Variants in EPHA6 observed in about 807,000 individuals in gnomAD.
The protein encoded by EPHA6 is EPH receptor A6.
Under a neutral mutation model 112.0 loss-of-function variants are expected in EPHA6, and 50 were observed. That is an observed-to-expected ratio of 0.45 (90% CI 0.36 to 0.56). The LOEUF (loss-of-function observed/expected upper bound fraction) is 0.56, where lower values mean the gene tolerates loss of function less well. Among genes scored for constraint, EPHA6 ranks in the 20% least tolerant of loss-of-function variants. The probability of loss-of-function intolerance (pLI) is 0.00; values close to 1 mark genes in which losing one functional copy is unlikely to be tolerated. For missense variants in EPHA6, 1,280 were observed against 1,417.4 expected (o/e 0.90, Z 1.56); for synonymous variants, 529 against 490.7 (o/e 1.08, Z -1.03).
chr3:97,225,171 G>T (rs953565530), intron 3 of EPHA6, among the ~76,000 whole-genome samples: 1 of 152,138 alleles, frequency 6.6e-6, no homozygotes, highest in Non-Finnish European at 1.5e-5. Context: ...TAGCCAGAAT[G>T]GTCTCAATCT....
At chr3:97,731,298 C>T (rs922567956) in intron 15 of EPHA6, among the ~76,000 whole-genome samples, 1 of 151,878 alleles carries the variant, frequency 6.6e-6, no homozygotes, top group Non-Finnish European at 1.5e-5. Context: ...AAAGGAGGAG[C>T]GGGTTTAGTT....
At chr3:97,190,589 ATTAT>A (rs1290417840) in intron 3 of EPHA6, among the ~76,000 whole-genome samples, 2 of 152,082 alleles carry the variant, frequency 1.3e-5, no homozygotes, top group Non-Finnish European at 1.5e-5. Context: ...TTATGATTTT[ATTAT>A]TTATGTTTTA....
chr3:96,840,077 C>T (rs1405391585), intron 1 of EPHA6, among the ~76,000 whole-genome samples: 1 of 152,052 alleles, frequency 6.6e-6, no homozygotes, highest in African/African-American at 2.4e-5. Flanking sequence ...CTGATAAGTG[C>T]TCCAGTTCAC....
At chr3:96,855,972 T>C (rs1440237458) in intron 1 of EPHA6, among the ~76,000 whole-genome samples, 1 of 152,110 alleles carries the variant, frequency 6.6e-6, no homozygotes, top group Non-Finnish European at 1.5e-5. Flanking sequence ...CACAGCACTT[T>C]GGGAGGCCAG....
chr3:97,204,716 T>C (rs2077669047), intron 3 of EPHA6, among the ~76,000 whole-genome samples: 1 of 152,094 alleles, frequency 6.6e-6, no homozygotes, highest in Non-Finnish European at 1.5e-5. Context: ...AATTATGAAG[T>C]AAAAAGGAAA....
chr3:97,356,711 G>A (rs941260128), intron 5 of EPHA6, among the ~76,000 whole-genome samples: 5 of 151,908 alleles, frequency 3.3e-5, no homozygotes, highest in African/African-American at 1.2e-4. Context: ...TTAATTAGTG[G>A]CCTAACATGT....
chr3:97,532,715 T>C (rs911570746), intron 11 of EPHA6, among the ~76,000 whole-genome samples, 172 bp downstream of exon 11: 4 of 152,168 alleles, frequency 2.6e-5, no homozygotes, highest in South Asian at 2.1e-4. Flanking sequence ...AGAGTTTGCA[T>C]TGGTCACCAA....
At chr3:97,550,799 T>C (rs960950447) in intron 11 of EPHA6, among the ~76,000 whole-genome samples, 1 of 151,814 alleles carries the variant, frequency 6.6e-6, no homozygotes, top group Non-Finnish European at 1.5e-5. Flanking sequence ...TTTATCTTGG[T>C]CCCTACCATA....
intron 16 of EPHA6, among the ~76,000 whole-genome samples, chr3:97,742,697 C>T (rs140053309): frequency 1.7e-4 from 26 of 152,154 alleles, no homozygotes; most frequent in African/African-American, 4.3e-4. Flanking sequence ...TATATGTCTA[C>T]GCATTTGAGG....
chr3:97,083,927 C>G (rs1364954793), intron 3 of EPHA6, among the ~76,000 whole-genome samples: 1 of 150,836 alleles, frequency 6.6e-6, no homozygotes, highest in African/African-American at 2.4e-5. Flanking sequence ...TAAATTTGAG[C>G]TAGAAAGATG....
At chr3:97,632,393 AAC>A (rs2093911244) in intron 13 of EPHA6, among the ~76,000 whole-genome samples, 1 of 151,980 alleles carries the variant, frequency 6.6e-6, no homozygotes, top group Admixed American at 6.6e-5. Context: ...GGGAGAGAAA[AAC>A]ACATACATAT....
At chr3:96,894,300 T>G (rs1237021185) in intron 2 of EPHA6, among the ~76,000 whole-genome samples, 1 of 152,158 alleles carries the variant, frequency 6.6e-6, no homozygotes, top group East Asian at 1.9e-4. Flanking sequence ...GGAGAGATAC[T>G]GTTTGAAGAA....
chr3:97,428,173 A>G (rs2107219720), intron 6 of EPHA6, among the ~76,000 whole-genome samples: 1 of 152,328 alleles, frequency 6.6e-6, no homozygotes. Flanking sequence ...ACTACATATA[A>G]TATAAAAATA....
At chr3:97,459,310 T>C (rs896916452) in intron 7 of EPHA6, among the ~76,000 whole-genome samples, 1 of 152,168 alleles carries the variant, frequency 6.6e-6, no homozygotes, top group Non-Finnish European at 1.5e-5. Flanking sequence ...TGCACATTTT[T>C]CAGACCTCCC....
intron 11 of EPHA6, among the ~76,000 whole-genome samples, chr3:97,544,077 C>A (rs1376602929): frequency 6.6e-6 from 1 of 152,084 alleles, no homozygotes; most frequent in Admixed American, 6.6e-5. Flanking sequence ...ATTGAATACC[C>A]TTTATTTCCT....
intron 5 of EPHA6, among the ~76,000 whole-genome samples, chr3:97,402,782 AAG>A (rs2087076166): frequency 2.0e-5 from 3 of 152,166 alleles, no homozygotes; most frequent in Admixed American, 2.0e-4. Flanking sequence ...AACAGCCAGA[AAG>A]AGTTTTAAAT....
intron 9 of EPHA6, among the ~76,000 whole-genome samples, chr3:97,482,054 A>G (rs1166173489): frequency 2.6e-5 from 4 of 152,234 alleles, no homozygotes; most frequent in African/African-American, 9.6e-5. Context: ...GAAGACGTTG[A>G]TAAGTTTAAA....
chr3:97,232,131 C>G (rs981523110), intron 4 of EPHA6, among the ~76,000 whole-genome samples: 9 of 152,058 alleles, frequency 5.9e-5, no homozygotes, highest in Admixed American at 1.3e-4. Flanking sequence ...TTTTCTGAAC[C>G]CCAAAAGCAT....
intron 3 of EPHA6, among the ~76,000 whole-genome samples, chr3:97,034,439 A>G (rs2045004437): frequency 6.6e-6 from 1 of 151,954 alleles, no homozygotes; most frequent in South Asian, 2.1e-4. Flanking sequence ...GACTTAATAT[A>G]TAATTCTTTT....
Sources: allele counts gnomAD v4.1 joint callset (sites outside exome capture counted in the v4.1 genomes callset), GRCh38; gene constraint gnomAD v4.1.1; transcripts MANE v1.5; gene names NCBI Gene and HGNC (gene_info 2026-07-23, HGNC 2026-07-21).